ADGRL3: variants seen among roughly 807,000 people sequenced by gnomAD.
ADGRL3 encodes the protein calcium-independent alpha-latrotoxin receptor 3.
Under a neutral mutation model 153.5 loss-of-function variants are expected in ADGRL3, and 62 were observed. The ratio of observed to expected loss-of-function variants is 0.40; its 90% CI spans 0.33 to 0.50. The LOEUF (loss-of-function observed/expected upper bound fraction) is 0.50. ADGRL3 is among the 20% of genes least tolerant of loss of function. The pLI, the probability that ADGRL3 is intolerant of heterozygous loss-of-function variation, is 0.47. For missense variants in ADGRL3, 1,641 were observed against 1,859.4 expected (o/e 0.88, Z 2.16); for synonymous variants, 710 against 672.5 (o/e 1.06, Z -0.86).
intron 2 of ADGRL3, among the ~76,000 whole-genome samples, chr4:61,441,465 A>G (rs1047776191): frequency 6.6e-6 from 1 of 151,578 alleles, no homozygotes; most frequent in African/African-American, 2.4e-5. Context: ...TTTCTCATTA[A>G]TGTCCTTTCC....
At chr4:61,926,852 C>A (rs1289503252) in intron 13 of ADGRL3, among the ~76,000 whole-genome samples, 1 of 152,136 alleles carries the variant, frequency 6.6e-6, no homozygotes, top group Non-Finnish European at 1.5e-5. Context: ...ACCAATCTTG[C>A]CACTGAACCC....
chr4:61,303,342 T>G (rs945246739), intron 1 of ADGRL3, among the ~76,000 whole-genome samples: 5 of 152,160 alleles, frequency 3.3e-5, no homozygotes, highest in African/African-American at 4.8e-5. Context: ...CCTTATAGGT[T>G]GTAAAGATTG....
chr4:61,523,058 C>CAT (rs1553953935), intron 4 of ADGRL3, among the ~76,000 whole-genome samples: 11 of 150,558 alleles, frequency 7.3e-5, no homozygotes, highest in Middle Eastern at 3.4e-3. Context: ...GAAAATTGTG[C>CAT]GTGTGTGTGT....
intron 1 of ADGRL3, among the ~76,000 whole-genome samples, chr4:61,237,380 T>C (rs1244967491): frequency 1.3e-5 from 2 of 152,328 alleles, no homozygotes; most frequent in East Asian, 3.9e-4. Flanking sequence ...AGAGCTATGT[T>C]TGCTGTATTA....
At chr4:61,749,977 A>T (rs1489309211) in intron 8 of ADGRL3, among the ~76,000 whole-genome samples, 2 of 152,122 alleles carry the variant, frequency 1.3e-5, no homozygotes, top group African/African-American at 4.8e-5. Flanking sequence ...GATTTAAGTC[A>T]GAAGATGAAT....
intron 2 of ADGRL3, among the ~76,000 whole-genome samples, chr4:61,404,639 T>A (rs1249267961): frequency 1.3e-5 from 2 of 152,108 alleles, no homozygotes; most frequent in South Asian, 2.1e-4. Flanking sequence ...ATGTCAATTT[T>A]AAAAAATTAC....
At chr4:61,293,097 AGT>A (rs2094285264) in intron 1 of ADGRL3, among the ~76,000 whole-genome samples, 2 of 152,148 alleles carry the variant, frequency 1.3e-5, no homozygotes, top group Non-Finnish European at 2.9e-5. Context: ...AGCAGGGAGC[AGT>A]GTTGGTGAAC....
intron 2 of ADGRL3, among the ~76,000 whole-genome samples, chr4:61,461,503 T>G (rs1165943839): frequency 6.6e-6 from 1 of 152,178 alleles, no homozygotes; most frequent in Non-Finnish European, 1.5e-5. Flanking sequence ...TATGTACAAT[T>G]ATTTTGTATC....
At chr4:61,337,539 AGG>A (rs1159663775) in intron 1 of ADGRL3, among the ~76,000 whole-genome samples, 1 of 152,188 alleles carries the variant, frequency 6.6e-6, no homozygotes, top group Non-Finnish European at 1.5e-5. Flanking sequence ...GTGAAGATCA[AGG>A]GACTACCTTC....
intron 5 of ADGRL3, among the ~76,000 whole-genome samples, chr4:61,598,177 T>C (rs2149485553): frequency 6.6e-6 from 1 of 152,196 alleles, no homozygotes; most frequent in African/African-American, 2.4e-5. Context: ...AATGTTCAAC[T>C]ATAACAACAA....
Position 62,006,027 on chromosome 4 carries a change from TATA to T in ADGRL3, c.3395+7763_3395+7765del, listed in dbSNP as rs1438860741. ...ACATATATATATATATATATATATA[TATA>T]TATTTTTTTTTTTTTTTGAGAAAGG... On this transcript the variant is annotated intron_variant, in intron 21 of 26. Transcript: ENST00000683033. Among the ~76,000 whole-genome samples the T allele has an allele frequency of 4.6e-3, 461 of 99,986 alleles. 16 individuals are homozygous for T. Among genetic ancestry groups the T allele is most frequent in the African/African-American group, 0.015 (426 of 27,596 alleles). 65.6% of individuals were successfully genotyped at this position (99,986 alleles called of 152,430 possible).
At chr4:61,859,121 C>T (rs1288405400) in intron 9 of ADGRL3, among the ~76,000 whole-genome samples, 1 of 152,070 alleles carries the variant, frequency 6.6e-6, no homozygotes, top group African/African-American at 2.4e-5. Context: ...CTCATCCCAG[C>T]CTTCTTTGTA....
chr4:61,258,612 A>C (rs578098112), intron 1 of ADGRL3, among the ~76,000 whole-genome samples: 166 of 152,282 alleles, frequency 1.1e-3, no homozygotes, highest in Non-Finnish European at 1.5e-3. Flanking sequence ...GTGATACTGA[A>C]ATCAATGTTT....
At chr4:61,277,587 G>A (rs1422453625) in intron 1 of ADGRL3, among the ~76,000 whole-genome samples, 2 of 151,928 alleles carry the variant, frequency 1.3e-5, no homozygotes, top group Admixed American at 6.6e-5. Context: ...AAATCACAGG[G>A]ATATAGTGGG....
intron 2 of ADGRL3, among the ~76,000 whole-genome samples, chr4:61,482,651 G>A (rs2098143159): frequency 6.6e-6 from 1 of 152,062 alleles, no homozygotes; most frequent in South Asian, 2.1e-4. Context: ...GCTTTTTGCA[G>A]GGATCAAAGT....
intron 8 of ADGRL3, among the ~76,000 whole-genome samples, chr4:61,739,468 G>C (rs949088440): frequency 2.0e-5 from 3 of 152,062 alleles, no homozygotes; most frequent in Admixed American, 1.3e-4. Flanking sequence ...TGGGATTTCA[G>C]GTGGGAGCCA....
At chr4:62,052,422 G>A (rs1285323590) in intron 25 of ADGRL3, among the ~76,000 whole-genome samples, 2 of 150,992 alleles carry the variant, frequency 1.3e-5, no homozygotes, top group Admixed American at 1.3e-4. Context: ...TTTGTTCTAA[G>A]CACAGTTTTT....
intron 9 of ADGRL3, among the ~76,000 whole-genome samples, chr4:61,849,028 A>G (rs1561355074): frequency 6.6e-6 from 1 of 152,192 alleles, no homozygotes; most frequent in Non-Finnish European, 1.5e-5. Flanking sequence ...TAGGAAGTGT[A>G]TACATTTTAG....
chr4:61,271,378 G>A (rs1161128575), intron 1 of ADGRL3, among the ~76,000 whole-genome samples: 1 of 151,930 alleles, frequency 6.6e-6, no homozygotes, highest in Admixed American at 6.6e-5. Flanking sequence ...TAGAATAAGA[G>A]TTTTGTTAAG....
Sources: gnomAD v4.1 joint callset for allele counts (sites outside exome capture counted in the v4.1 genomes callset) on GRCh38, gnomAD v4.1.1 for gene constraint, MANE v1.5 for transcripts, NCBI Gene and HGNC (gene_info 2026-07-23, HGNC 2026-07-21) for gene names.